LRFN5: variants seen among roughly 807,000 people sequenced by gnomAD.
The protein encoded by LRFN5 is leucine rich repeat and fibronectin type III domain containing 5, also known as leucine-rich repeat and fibronectin type-III domain-containing protein 5.
Under a neutral mutation model 45.6 loss-of-function variants are expected in LRFN5, and 24 were observed. The ratio of observed to expected loss-of-function variants is 0.53; its 90% CI spans 0.38 to 0.74. The LOEUF (loss-of-function observed/expected upper bound fraction) is 0.74. Ranked by LOEUF, LRFN5 falls within the 30% of genes least tolerant of loss-of-function variation. The pLI is 0.00. For synonymous variants in LRFN5, 340 were observed against 313.8 expected, an observed-to-expected ratio of 1.08 and a Z score of -0.88; for missense variants, 776 against 861.5, an observed-to-expected ratio of 0.90 and a Z score of 1.24.
intron 2 of LRFN5, among the ~76,000 whole-genome samples, chr14:41,818,557 T>A (rs958893393): frequency 6.6e-6 from 1 of 151,920 alleles, no homozygotes; most frequent in African/African-American, 2.4e-5. Context: ...TCAAGTGATA[T>A]ATGCCATCAC....
intron 2 of LRFN5, among the ~76,000 whole-genome samples, chr14:41,855,189 G>A (rs1404686146): frequency 1.3e-5 from 2 of 152,102 alleles, no homozygotes; most frequent in East Asian, 3.9e-4. Context: ...AAGTAATAAA[G>A]CTGAATTGGC....
At chr14:41,859,030 A>C (rs947481693) in intron 2 of LRFN5, among the ~76,000 whole-genome samples, 1 of 152,176 alleles carries the variant, frequency 6.6e-6, no homozygotes, top group Non-Finnish European at 1.5e-5. Flanking sequence ...GTTTTGGAAA[A>C]TGTATATTAA....
intron 2 of LRFN5, among the ~76,000 whole-genome samples, chr14:41,805,039 A>C (rs1009966801): frequency 6.6e-6 from 1 of 152,122 alleles, no homozygotes; most frequent in African/African-American, 2.4e-5. Flanking sequence ...ATGAAAAATC[A>C]ATGTGAATCA....
intron 2 of LRFN5, among the ~76,000 whole-genome samples, chr14:41,852,672 A>C (rs891227720): frequency 1.3e-5 from 2 of 151,908 alleles, no homozygotes; most frequent in African/African-American, 4.8e-5. Flanking sequence ...AAATTTACCC[A>C]TTAAGTTTTA....
At position 41,606,984 on chromosome 14, in the gene LRFN5, C is replaced by CCGGCCG. The variant is rs1387657375; in HGVS notation, c.-1767_-1762dup. ...GGGAAGCCCAGCTCCCGGGTCCGCCCCGGCCGCGGCCGCAGCCCCGGACCT... is the reference window on the plus strand; with the variant it reads ...GGGAAGCCCAGCTCCCGGGTCCGCCCCGGCCGCGGCCGCGGCCGCAGCCCCGGACCT... On this transcript the variant is annotated 5_prime_UTR_variant, in exon 1 of 6. Coordinates refer to ENST00000298119, the MANE Select transcript of LRFN5 (RefSeq NM_152447.5). Among the ~76,000 whole-genome samples the CCGGCCG allele has an allele frequency of 1.3e-5, 2 of 152,128 alleles. No individual in the cohort carries two copies. Among genetic ancestry groups the CCGGCCG allele is most frequent in the Non-Finnish European group, 2.9e-5 (2 of 67,964 alleles).
At chr14:41,893,914 G>A (rs1485720966) in intron 4 of LRFN5, 1 of 985,074 alleles carries the variant, frequency 1.0e-6, no homozygotes, top group East Asian at 1.1e-4. Context: ...GGTCACATGT[G>A]GTCGTAGTTT....
chr14:41,674,123 G>A (rs1226862146), intron 1 of LRFN5, among the ~76,000 whole-genome samples: 118 of 132,576 alleles, frequency 8.9e-4, no homozygotes, highest in East Asian at 2.0e-3. Flanking sequence ...CTGGCAGAGG[G>A]GCTCCTCACT....
chr14:41,860,325 C>G (rs1364529889), intron 2 of LRFN5, among the ~76,000 whole-genome samples: 1 of 152,148 alleles, frequency 6.6e-6, no homozygotes, highest in Non-Finnish European at 1.5e-5. Flanking sequence ...ATTTCAAACA[C>G]TAAAGGATTT....
intron 1 of LRFN5, among the ~76,000 whole-genome samples, chr14:41,718,660 A>G (rs1301523345): frequency 6.6e-6 from 1 of 152,082 alleles, no homozygotes; most frequent in Non-Finnish European, 1.5e-5. Flanking sequence ...AATACATCTC[A>G]CGTCTTCCTG....
chr14:41,778,607 C>T (rs1400310081), intron 2 of LRFN5, among the ~76,000 whole-genome samples: 1 of 151,700 alleles, frequency 6.6e-6, no homozygotes, highest in Non-Finnish European at 1.5e-5. Context: ...GTTTATAAAA[C>T]TCATGTACAC....
At chr14:41,835,924 C>CTT (rs375581659) in intron 2 of LRFN5, among the ~76,000 whole-genome samples, 2,281 of 138,772 alleles carry the variant, frequency 0.016, 52 homozygotes, top group African/African-American at 0.057. Context: ...TTTTCTTTTT[C>CTT]TTTTTTTTTA....
At chr14:41,795,905 C>A (rs1229662776) in intron 2 of LRFN5, among the ~76,000 whole-genome samples, 1 of 130,664 alleles carries the variant, frequency 7.7e-6, no homozygotes, top group Admixed American at 8.4e-5. Context: ...TGCACATGTA[C>A]CCTAGAACTT....
chr14:41,736,100 T>G (rs935053391), intron 1 of LRFN5, among the ~76,000 whole-genome samples: 1 of 152,210 alleles, frequency 6.6e-6, no homozygotes, highest in African/African-American at 2.4e-5. Context: ...GAATGATTTA[T>G]AATCCTTTGG....
chr14:41,846,534 C>T (rs1889074811), intron 2 of LRFN5, among the ~76,000 whole-genome samples: 1 of 152,044 alleles, frequency 6.6e-6, no homozygotes, highest in African/African-American at 2.4e-5. Context: ...CAAAAACTAG[C>T]AAAATAATGT....
intron 1 of LRFN5, among the ~76,000 whole-genome samples, chr14:41,664,089 A>G (rs1307406252): frequency 2.0e-5 from 3 of 151,952 alleles, no homozygotes; most frequent in African/African-American, 7.2e-5. Flanking sequence ...CCTCATTCCC[A>G]GAAACATAAC....
intron 1 of LRFN5, among the ~76,000 whole-genome samples, chr14:41,763,718 C>G (rs529995961): frequency 6.6e-6 from 1 of 152,174 alleles, no homozygotes; most frequent in South Asian, 2.1e-4. Flanking sequence ...GTAAGATGTC[C>G]CTTTGCTCTT....
chr14:41,868,717 G>A (rs1466512230), intron 2 of LRFN5, among the ~76,000 whole-genome samples: 2 of 152,086 alleles, frequency 1.3e-5, no homozygotes, highest in Non-Finnish European at 2.9e-5. Context: ...ACTAGTCTTA[G>A]GACACATTGA....
chr14:41,900,093 T>C (rs1337968867), intron 5 of LRFN5, among the ~76,000 whole-genome samples: 1 of 152,102 alleles, frequency 6.6e-6, no homozygotes, highest in Non-Finnish European at 1.5e-5. Flanking sequence ...TCTCTTTCTC[T>C]CTTTCATTTT....
chr14:41,626,726 C>G (rs1383033333), intron 1 of LRFN5, among the ~76,000 whole-genome samples: 1 of 151,834 alleles, frequency 6.6e-6, no homozygotes, highest in Non-Finnish European at 1.5e-5. Context: ...CCATTTTTTC[C>G]TACAATTTCA....
Sources: gnomAD v4.1 joint callset for allele counts (sites outside exome capture counted in the v4.1 genomes callset) on GRCh38, gnomAD v4.1.1 for gene constraint, MANE v1.5 for transcripts, NCBI Gene and HGNC (gene_info 2026-07-23, HGNC 2026-07-21) for gene names.